PTPRK: variants seen among roughly 807,000 people sequenced by gnomAD.
The protein encoded by PTPRK is receptor-type tyrosine-protein phosphatase kappa.
PTPRK carries 75 observed loss-of-function variants against 178.0 expected under a neutral mutation model. The observed-to-expected ratio is 0.42, with a 90% confidence interval of 0.35 to 0.51. PTPRK has a LOEUF of 0.51. PTPRK is among the 20% of genes least tolerant of loss of function. PTPRK has a pLI of 0.02. For missense variants in PTPRK, 1,441 were observed against 1,797.8 expected (o/e 0.80, Z 3.59); for synonymous variants, 637 against 620.6 (o/e 1.03, Z -0.39).
chr6:128,125,726 C>T (rs1295325186), intron 7 of PTPRK, among the ~76,000 whole-genome samples: 3 of 149,190 alleles, frequency 2.0e-5, no homozygotes, highest in East Asian at 2.0e-4. Flanking sequence ...TCTTCTGCCT[C>T]GGCCTCCTGA....
intron 7 of PTPRK, among the ~76,000 whole-genome samples, chr6:128,108,067 AAAACACACACACACAC>A (rs1157252288): frequency 7.9e-6 from 1 of 126,152 alleles, no homozygotes; most frequent in Admixed American, 9.7e-5. Context: ...CCTAAATAGC[AAAACACACACACACAC>A]ACACACACAC....
intron 7 of PTPRK, among the ~76,000 whole-genome samples, chr6:128,175,037 G>C (rs1197183384): frequency 1.3e-5 from 2 of 151,826 alleles, no homozygotes; most frequent in Non-Finnish European, 2.9e-5. Context: ...TAATTCTCTA[G>C]ACTTTGAGTA....
chr6:128,340,681 C>T (rs1162612359), intron 2 of PTPRK: 2 of 367,578 alleles, frequency 5.4e-6, no homozygotes, highest in East Asian at 7.5e-5. Flanking sequence ...AAATTAACAT[C>T]CTTTGTTATT....
chr6:128,513,394 A>T (rs891138218), intron 1 of PTPRK, among the ~76,000 whole-genome samples: 1 of 151,850 alleles, frequency 6.6e-6, no homozygotes, highest in Non-Finnish European at 1.5e-5. Flanking sequence ...GAAGCAGGAG[A>T]ATCTCTTGAA....
intron 6 of PTPRK, among the ~76,000 whole-genome samples, chr6:128,208,483 A>G (rs1435782495): frequency 1.3e-5 from 2 of 152,192 alleles, no homozygotes; most frequent in East Asian, 1.9e-4. Context: ...TTTCCACTTA[A>G]CCGACAACCA....
chr6:128,127,322 T>C (rs889660568), intron 7 of PTPRK, among the ~76,000 whole-genome samples: 14 of 152,220 alleles, frequency 9.2e-5, no homozygotes, highest in South Asian at 6.2e-4. Context: ...ATTGATTATC[T>C]ACAAAATAGA....
intron 13 of PTPRK, among the ~76,000 whole-genome samples, chr6:128,030,409 T>A (rs1360339030): frequency 6.6e-6 from 1 of 152,192 alleles, no homozygotes; most frequent in Non-Finnish European, 1.5e-5. Flanking sequence ...TCATAAGATT[T>A]ATAACTTAAC....
chr6:128,363,938 G>C (rs1426319098), intron 2 of PTPRK, among the ~76,000 whole-genome samples: 1 of 152,036 alleles, frequency 6.6e-6, no homozygotes, highest in Non-Finnish European at 1.5e-5. Context: ...TTCACAGTTA[G>C]TTAGTTACCA....
intron 18 of PTPRK, 29 bp downstream of exon 18, chr6:127,995,433 T>C: frequency 6.6e-7 from 1 of 1,504,744 alleles, no homozygotes; most frequent in Non-Finnish European, 9.2e-7. Context: ...GCCAATAAAG[T>C]AGACATACTT....
intron 2 of PTPRK, among the ~76,000 whole-genome samples, chr6:128,389,493 A>C (rs1316346651): frequency 6.8e-6 from 1 of 147,556 alleles, no homozygotes; most frequent in Non-Finnish European, 1.5e-5. Flanking sequence ...ATAAGCTTTT[A>C]AACTGAGATA....
chr6:128,511,600 T>G (rs1030392130), intron 1 of PTPRK, among the ~76,000 whole-genome samples: 2 of 152,214 alleles, frequency 1.3e-5, no homozygotes, highest in Non-Finnish European at 2.9e-5. Context: ...AGAAACATCA[T>G]GTCTCAGTGG....
chr6:128,306,643 A>T lies in PTPRK; in HGVS notation c.495+15396T>A, dbSNP rs575966567. ...ACAGCATCTCTGAAAAAAAAAATTT[A>T]AAAATTAGCCGGGTGTGGTGGCATG... On this transcript the variant is annotated intron_variant, in intron 3 of 29. Coordinates refer to ENST00000368226, the MANE Select transcript of PTPRK (RefSeq NM_002844.4). Among the ~76,000 whole-genome samples, 3 of 152,146 alleles carry T rather than the reference A, an allele frequency of 2.0e-5. No homozygotes were observed. In the East Asian group the frequency reaches 5.8e-4, roughly 29 times the overall value.
intron 1 of PTPRK, among the ~76,000 whole-genome samples, chr6:128,449,106 C>T (rs1409591127): frequency 2.6e-5 from 4 of 152,010 alleles, no homozygotes; most frequent in African/African-American, 4.8e-5. Context: ...GTGATCCACC[C>T]GCCTCGGCCT....
intron 17 of PTPRK, 63 bp downstream of exon 17, chr6:127,996,838 T>TA (rs1777204507): frequency 6.5e-7 from 1 of 1,533,804 alleles, no homozygotes; most frequent in Non-Finnish European, 8.8e-7. Flanking sequence ...GGATTTTTCT[T>TA]AAAGTTTAAA....
At chr6:128,357,315 T>C (rs1224771913) in intron 2 of PTPRK, among the ~76,000 whole-genome samples, 1 of 152,198 alleles carries the variant, frequency 6.6e-6, no homozygotes, top group Non-Finnish European at 1.5e-5. Context: ...GGATCAGAGT[T>C]CAGATTTTAA....
Position 128,335,779 on chromosome 6 carries a change from T to C in PTPRK, c.224-13469A>G, listed in dbSNP as rs10085326. ...TAGCTCAAGGTTTTGGTATAAAATA[T>C]ATACTTAAAGAAAAAAAAAACCTGA... On this transcript the variant is annotated intron_variant, in intron 2 of 29. Coordinates refer to ENST00000368226, the MANE Select transcript of PTPRK (RefSeq NM_002844.4). 7.4e-3 allele frequency among the ~76,000 whole-genome samples: 1,117 copies of C among 151,972 alleles called. 10 individuals are homozygous for C. Among genetic ancestry groups the C allele is most frequent in the African/African-American group, 0.024 (1,012 of 41,480 alleles).
At chr6:128,296,406 C>T (rs1023931192) in intron 3 of PTPRK, among the ~76,000 whole-genome samples, 5 of 152,020 alleles carry the variant, frequency 3.3e-5, no homozygotes, top group Non-Finnish European at 7.4e-5. Context: ...AAGAGCAACT[C>T]CAAGACACAT....
rs538243544 is a variant in PTPRK, at chr6:128,290,610, G to T, written c.495+31429C>A. Reference sequence around the variant, plus strand: ...TGGTGTAGAGATTAGGGGAACAGGGGCCAGTTCTCTAGGATAGAGAACTGG... The same window carrying T: ...TGGTGTAGAGATTAGGGGAACAGGGTCCAGTTCTCTAGGATAGAGAACTGG... On this transcript the variant is annotated intron_variant, in intron 3 of 29. Transcript: ENST00000368226. 3.3e-5 allele frequency among the ~76,000 whole-genome samples: 5 copies of T among 151,962 alleles called. No homozygotes were observed. The East Asian group carries it at 9.7e-4, about 29-fold the overall frequency.
At chr6:128,373,582 CA>C (rs1836602061) in intron 2 of PTPRK, among the ~76,000 whole-genome samples, 1 of 152,202 alleles carries the variant, frequency 6.6e-6, no homozygotes, top group South Asian at 2.1e-4. Context: ...AACTGTCTTA[CA>C]ACATTGCCTC....
Sources: allele counts gnomAD v4.1 joint callset (sites outside exome capture counted in the v4.1 genomes callset), GRCh38; gene constraint gnomAD v4.1.1; transcripts MANE v1.5; gene names NCBI Gene and HGNC (gene_info 2026-07-23, HGNC 2026-07-21).